Variants in RTKN2 observed in about 807,000 individuals in gnomAD.
RTKN2 encodes the protein rhotekin 2.
A neutral mutation model predicts 71.5 loss-of-function variants in RTKN2; 69 were observed. That is an observed-to-expected ratio of 0.96 (90% CI 0.79 to 1.18). The LOEUF (loss-of-function observed/expected upper bound fraction) is 1.18, where lower values mean the gene tolerates loss of function less well. Among genes scored for constraint, RTKN2 ranks in the 50% most tolerant of loss-of-function variants. The pLI is 0.00. For synonymous variants in RTKN2, 236 were observed against 236.5 expected, an observed-to-expected ratio of 1.00 and a Z score of 0.02; for missense variants, 724 against 719.7, an observed-to-expected ratio of 1.01 and a Z score of -0.07.
At chr10:62,208,024 G>T (rs115909801) in intron 9 of RTKN2, among the ~76,000 whole-genome samples, 1 of 152,060 alleles carries the variant, frequency 6.6e-6, no homozygotes, top group African/African-American at 2.4e-5. Context: ...TTTGCTTTTC[G>T]TCAGTCTGCA....
chr10:62,191,934 C>T (rs1161955664), downstream of RTKN2, among the ~76,000 whole-genome samples: 1 of 152,078 alleles, frequency 6.6e-6, no homozygotes, highest in Admixed American at 6.5e-5. Context: ...TCTTCATACA[C>T]GTGTTACATA....
intron 2 of RTKN2, among the ~76,000 whole-genome samples, chr10:62,261,347 A>G (rs1436710271): frequency 6.6e-6 from 1 of 152,200 alleles, no homozygotes; most frequent in Non-Finnish European, 1.5e-5. Flanking sequence ...AAGGAGATTA[A>G]AATAGCTATC....
At chr10:62,263,166 G>A (rs965663606) in intron 1 of RTKN2, among the ~76,000 whole-genome samples, 7 of 152,194 alleles carry the variant, frequency 4.6e-5, no homozygotes, top group African/African-American at 1.4e-4. Context: ...GGGTTTTGCA[G>A]ATGTAATTAG....
chr10:62,184,296 C>G (rs1361094404), exon 9 of RTKN2: 47 of 1,437,206 alleles, frequency 3.3e-5, no homozygotes, highest in Non-Finnish European at 4.2e-5. Context: ...ATTTTTCACA[C>G]TGGTTCTAAT....
intron 2 of RTKN2, among the ~76,000 whole-genome samples, chr10:62,253,700 A>C (rs946793852): frequency 1.4e-4 from 21 of 152,254 alleles, no homozygotes; most frequent in African/African-American, 4.6e-4. Context: ...CTCATGCTGG[A>C]GAAATCTTCC....
At chr10:62,216,853 C>A (rs1259460108) in intron 9 of RTKN2, among the ~76,000 whole-genome samples, 1 of 152,064 alleles carries the variant, frequency 6.6e-6, no homozygotes, top group Non-Finnish European at 1.5e-5. Flanking sequence ...TTTAAATATA[C>A]TGCTAATGTG....
chr10:62,259,298 C>T (rs1002003677), intron 2 of RTKN2: 5 of 403,762 alleles, frequency 1.2e-5, no homozygotes, highest in African/African-American at 1.0e-4. Flanking sequence ...TCGGGTATAT[C>T]TGTATTAACA....
chr10:62,185,133 C>T (rs1841113930), intron 8 of RTKN2, among the ~76,000 whole-genome samples: 1 of 152,044 alleles, frequency 6.6e-6, no homozygotes, highest in African/African-American at 2.4e-5. Flanking sequence ...GATGACTCTC[C>T]TCTCATGACA....
At chr10:62,241,579 TTTTC>T (rs1842375347) in intron 3 of RTKN2, among the ~76,000 whole-genome samples, 2 of 152,248 alleles carry the variant, frequency 1.3e-5, no homozygotes, top group African/African-American at 4.8e-5. Flanking sequence ...ACCATACTAT[TTTTC>T]TTTTTTTTGT....
chr10:62,237,108 T>A (rs1013572291), intron 5 of RTKN2, among the ~76,000 whole-genome samples: 1 of 151,926 alleles, frequency 6.6e-6, no homozygotes. Context: ...TTTTGTTAAA[T>A]AGATTTTAGC....
chr10:62,188,699 C>A (rs973208122), downstream of RTKN2, among the ~76,000 whole-genome samples: 5 of 151,798 alleles, frequency 3.3e-5, no homozygotes, highest in Non-Finnish European at 5.9e-5. Flanking sequence ...AAGAGCTTTC[C>A]TTTCTTTTCA....
chr10:62,232,805 C>A (rs1423159854), intron 6 of RTKN2, among the ~76,000 whole-genome samples: 2 of 151,894 alleles, frequency 1.3e-5, no homozygotes, highest in Non-Finnish European at 2.9e-5. Context: ...ACAGAGCTTA[C>A]TACAAAATGC....
chr10:62,226,549 G>A (rs560546880), intron 6 of RTKN2, among the ~76,000 whole-genome samples: 9 of 152,284 alleles, frequency 5.9e-5, no homozygotes, highest in Non-Finnish European at 1.3e-4. Context: ...AACAATGCAT[G>A]AGTACATTTT....
chr10:62,197,439 G>C lies in RTKN2; in HGVS notation c.*469C>G. ...AGTGAACCATTAGATGAGAATTCCA[G>C]AATGCTAAGAAAATTTTCTTGGGTG... On this transcript the variant is annotated 3_prime_UTR_variant, in exon 12 of 12. Transcript: ENST00000373789. The C allele has an allele frequency of 1.0e-6, 1 of 986,610 alleles. No individual in the cohort carries two copies. Among genetic ancestry groups the C allele is most frequent in the South Asian group, 4.7e-5 (1 of 21,330 alleles). The allele number at this position is 986,610 out of a possible 1,614,324, so 61.1% of individuals were successfully genotyped here. A position where few individuals can be genotyped will look rare whatever the true frequency, so the allele number is the denominator to read the frequency against.
intron 6 of RTKN2, among the ~76,000 whole-genome samples, chr10:62,227,358 A>G (rs1363786708): frequency 6.6e-6 from 1 of 152,190 alleles, no homozygotes; most frequent in Admixed American, 6.5e-5. Context: ...CTGCAAAAGT[A>G]ACACTTGAGT....
intron 6 of RTKN2, among the ~76,000 whole-genome samples, chr10:62,227,086 G>A (rs1842041327): frequency 1.3e-5 from 2 of 152,156 alleles, no homozygotes; most frequent in Non-Finnish European, 2.9e-5. Flanking sequence ...AAAGATTATC[G>A]ACAATAAGTG....
chr10:62,263,460 G>C (rs1261946209), intron 1 of RTKN2, among the ~76,000 whole-genome samples: 1 of 152,150 alleles, frequency 6.6e-6, no homozygotes, highest in Non-Finnish European at 1.5e-5. Flanking sequence ...AATTTCTCTT[G>C]TTTTCAGCCA....
intron 1 of RTKN2, among the ~76,000 whole-genome samples, chr10:62,267,406 T>A (rs1007486001): frequency 2.8e-4 from 43 of 152,204 alleles, no homozygotes; most frequent in African/African-American, 1.0e-3. Context: ...TGCAAGAACA[T>A]CAATAGAATG....
intron 9 of RTKN2, among the ~76,000 whole-genome samples, chr10:62,213,879 GA>G (rs1564505827): frequency 1.3e-5 from 2 of 151,848 alleles, no homozygotes; most frequent in African/African-American, 4.8e-5. Context: ...ACTTTAAAAG[GA>G]AAAATAATTA....
Sources: allele counts gnomAD v4.1 joint callset (sites outside exome capture counted in the v4.1 genomes callset), GRCh38; gene constraint gnomAD v4.1.1; transcripts MANE v1.5; gene names NCBI Gene and HGNC (gene_info 2026-07-23, HGNC 2026-07-21).